Variants in AKT2 observed in about 807,000 individuals in gnomAD.
AKT2 encodes the protein AKT serine/threonine kinase 2.
AKT2 carries 16 observed loss-of-function variants against 58.6 expected under a neutral mutation model. That is an observed-to-expected ratio of 0.27 (90% CI 0.18 to 0.41). The LOEUF is 0.41. AKT2 is among the 10% of genes least tolerant of loss of function. AKT2 has a pLI of 1.00. For missense variants in AKT2, 438 were observed against 661.0 expected (o/e 0.66, Z 3.70); for synonymous variants, 253 against 254.0 (o/e 1.00, Z 0.04).
chr19:40,254,829 T>C (rs1187033084), intron 4 of AKT2, among the ~76,000 whole-genome samples: 2 of 148,754 alleles, frequency 1.3e-5, no homozygotes, highest in Non-Finnish European at 3.0e-5. Context: ...AGAGCGAAAC[T>C]CCATTTCAGA....
chr19:40,255,347 C>T (rs755655212), intron 3 of AKT2, 78 bp from the exon 4 acceptor site: 13 of 1,145,310 alleles, frequency 1.1e-5, no homozygotes, highest in Non-Finnish European at 1.7e-5. Context: ...CCCGAGCCAC[C>T]TCCCACAGGC....
At chr19:40,275,905 C>T (rs1279213769) in intron 1 of AKT2, among the ~76,000 whole-genome samples, 2 of 150,122 alleles carry the variant, frequency 1.3e-5, no homozygotes, top group Non-Finnish European at 3.0e-5. Context: ...CCCAGCTACT[C>T]GGGAGGCTGA....
chr19:40,246,246 G>A (rs1262665933), intron 4 of AKT2, among the ~76,000 whole-genome samples: 2 of 152,038 alleles, frequency 1.3e-5, no homozygotes, highest in Non-Finnish European at 2.9e-5. Context: ...CGATTCTCCT[G>A]CCTCAGCCTC....
intron 1 of AKT2, chr19:40,282,227 G>A (rs1377773767): frequency 9.5e-6 from 3 of 314,708 alleles, no homozygotes; most frequent in Non-Finnish European, 1.9e-5. Context: ...ACAGTACCAG[G>A]CACCATTCTA....
chr19:40,232,820 C>T lies in AKT2; in HGVS notation c.*1052G>A. On this transcript the variant is annotated 3_prime_UTR_variant, in exon 14 of 14. Coordinates refer to ENST00000392038, the MANE Select transcript of AKT2 (RefSeq NM_001626.6). ...CACAGCACTGACATGGACGTGCACT[C>T]ATGTTCAACCTTAAGGCTGCAGAAC... 4.2e-6 allele frequency: 1 copy of T among 235,576 alleles called. No individual in the cohort carries two copies. The highest frequency in any genetic ancestry group is 8.4e-6 in the Non-Finnish European group (1 of 119,354). The allele number at this position is 235,576 out of a possible 1,614,324, so 14.6% of individuals were successfully genotyped here.
At chr19:40,268,419 G>C (rs1032318341) in intron 1 of AKT2, among the ~76,000 whole-genome samples, 5 of 152,230 alleles carry the variant, frequency 3.3e-5, no homozygotes, top group African/African-American at 1.2e-4. Context: ...GTATGGCCAA[G>C]AGTGGTCTGG....
rs140220602 is a variant in AKT2 at position 40,267,049 on chromosome 19, C to T, written c.-84-1698G>A. Among the ~76,000 whole-genome samples, 1,259 of 152,222 alleles carry T rather than the reference C, an allele frequency of 8.3e-3. 17 individuals are homozygous for T. Among genetic ancestry groups the T allele is most frequent in the Admixed American group, 0.023 (352 of 15,292 alleles). On this transcript the variant is annotated intron_variant, in intron 1 of 13. Coordinates refer to ENST00000392038, the MANE Select transcript of AKT2 (RefSeq NM_001626.6). ...CGTGACCATCTCTCCCCATCCTGCC[C>T]GCGGCCTGGCTCTAGTCAGGTCTGC...
intron 4 of AKT2, chr19:40,244,182 C>T (rs2145218271): frequency 6.6e-6 from 1 of 151,914 alleles, no homozygotes; most frequent in African/African-American, 2.4e-5. Context: ...GTGGCTCACA[C>T]CTGCAATCCT....
Position 40,238,853 on chromosome 19 carries a change from C to T in AKT2, c.708+52G>A, listed in dbSNP as rs753948877. 4.9e-5 allele frequency: 78 copies of T among 1,579,760 alleles called. No individual in the cohort carries two copies. The highest frequency in any genetic ancestry group is 6.6e-5 in the Non-Finnish European group (76 of 1,149,086). ...CCCACAGCTCCTCTCCATCCCGCCC[C>T]ACCCTAAAGAAGGAGGCCCCAGAGG... On this transcript the variant is annotated intron_variant, in intron 8 of 13. Coordinates refer to ENST00000392038, the MANE Select transcript of AKT2 (RefSeq NM_001626.6). The surrounding 1 kb of genome is among the most constrained non-coding windows in gnomAD (Gnocchi z 5.1).
chr19:40,281,320 C>T (rs1390077389), intron 1 of AKT2, among the ~76,000 whole-genome samples: 21 of 152,070 alleles, frequency 1.4e-4, no homozygotes, highest in Non-Finnish European at 2.9e-5. Context: ...GCGAGACTCC[C>T]GTTTCCACAA....
At position 40,238,233 on chromosome 19, in the gene AKT2, A is replaced by G; in HGVS notation, c.709-142T>C. 2 of 1,176,820 alleles carry G rather than the reference A, an allele frequency of 1.7e-6. No individual in the cohort carries two copies. Among genetic ancestry groups the G allele is most frequent in the South Asian group, 1.4e-5 (1 of 70,516 alleles). 72.9% of individuals were successfully genotyped at this position (1,176,820 alleles called of 1,614,324 possible). Reference sequence around the variant, plus strand: ...AAGTGACAGCTAGAGGGACCAATCAAGGCAGAGCGCAGAAGCTCATAAGTG... The same window carrying G: ...AAGTGACAGCTAGAGGGACCAATCAGGGCAGAGCGCAGAAGCTCATAAGTG... On this transcript the variant is annotated intron_variant, in intron 8 of 13. Coordinates refer to ENST00000392038, the MANE Select transcript of AKT2 (RefSeq NM_001626.6). This position sits in a 1 kb window ranked among gnomAD's most constrained non-coding sequence, Gnocchi z 5.1.
rs1049077634 is a variant in AKT2, at chr19:40,275,749, A to T, written c.-85+9432T>A. On this transcript the variant is annotated intron_variant, in intron 1 of 13. Transcript: ENST00000392038. ...CACGATGACTCACGCCTGTAATCCC[A>T]GCACTTTGGGAGGCTGGGGGGGGGG... Among the ~76,000 whole-genome samples, 32 of 48,512 alleles carry T rather than the reference A, an allele frequency of 6.6e-4. 1 individual carries two copies. The highest frequency in any genetic ancestry group is 4.1e-5 in the Non-Finnish European group (1 of 24,434). The allele number at this position is 48,512 out of a possible 152,430, so 31.8% of individuals were successfully genotyped here. A position where few individuals can be genotyped will look rare whatever the true frequency, so the allele number is the denominator to read the frequency against.
intron 1 of AKT2, chr19:40,266,180 C>A (rs1043222296): frequency 1.3e-5 from 2 of 152,340 alleles, no homozygotes; most frequent in Non-Finnish European, 2.9e-5. Flanking sequence ...GAGGAGGGCG[C>A]GAGGCAGCGC....
intron 7 of AKT2, chr19:40,239,714 CA>C (rs1224831200): frequency 1.4e-4 from 67 of 475,048 alleles, no homozygotes; most frequent in Middle Eastern, 9.3e-4. Context: ...AAAACAAAAA[CA>C]AAAAAAATAA....
chr19:40,257,796 G>A (rs1312878287), intron 2 of AKT2, among the ~76,000 whole-genome samples: 2 of 152,104 alleles, frequency 1.3e-5, no homozygotes, highest in East Asian at 1.9e-4. Flanking sequence ...TTCATACAAC[G>A]GAAAACTATT....
chr19:40,275,155 G>A (rs1373401654), intron 1 of AKT2: 14 of 456,696 alleles, frequency 3.1e-5, no homozygotes, highest in Admixed American at 4.7e-5. Flanking sequence ...CCTCTCCTCC[G>A]AGCCCTGAGC....
intron 2 of AKT2, among the ~76,000 whole-genome samples, chr19:40,258,519 A>G (rs559478397): frequency 1.2e-4 from 18 of 152,224 alleles, no homozygotes; most frequent in Admixed American, 5.9e-4. Flanking sequence ...TTTTTTAATT[A>G]GCCAGGAGTC....
chr19:40,239,887 T>C lies in AKT2; in HGVS notation c.639+158A>G, dbSNP rs1164714323. On this transcript the variant is annotated intron_variant, in intron 7 of 13. Coordinates refer to ENST00000392038, the MANE Select transcript of AKT2 (RefSeq NM_001626.6). ...CCCGAGCCTGCTCACCCCCACCACATGTCTTGGTTCGGATGACTTGGCAGG... is the reference window on the plus strand; with the variant it reads ...CCCGAGCCTGCTCACCCCCACCACACGTCTTGGTTCGGATGACTTGGCAGG... 18 of 872,100 alleles carry C rather than the reference T, an allele frequency of 2.1e-5. No homozygotes were observed. The East Asian group carries it at 3.2e-4, about 16-fold the overall frequency. 54.0% of individuals were successfully genotyped at this position (872,100 alleles called of 1,614,324 possible).
In AKT2 at chr19:40,242,563, C is replaced by T. The variant is rs776555398; in HGVS notation, c.412G>A (p.Val138Met). 1 of 1,613,960 alleles carries T rather than the reference C, an allele frequency of 6.2e-7. No homozygotes were observed. The highest frequency in any genetic ancestry group is 8.5e-7 in the Non-Finnish European group (1 of 1,180,024). Residue 138 changes from valine (V) to methionine (M), a missense_variant, in exon 5 of 14, where the codon GTG (valine) becomes ATG (methionine). Val to Met is a conservative substitution (Grantham distance 21, BLOSUM62 1). Coordinates refer to ENST00000392038, the MANE Select transcript of AKT2 (RefSeq NM_001626.6). The surrounding 1 kb of genome is among the most constrained non-coding windows in gnomAD (Gnocchi z 4.3). ...SDSSTTEEME[V>M]AVSKARAKVT... Reference sequence around the variant, plus strand: ...TTAGCCCGTGCCTTGCTGACCGCCACTTCCATCTCCTCAGTCGTGGAGGAG... The same window carrying T: ...TTAGCCCGTGCCTTGCTGACCGCCATTTCCATCTCCTCAGTCGTGGAGGAG...
Sources: gnomAD v4.1 joint callset for allele counts (sites outside exome capture counted in the v4.1 genomes callset) on GRCh38, gnomAD v4.1.1 for gene constraint, Gnocchi (gnomAD v3.1) non-coding constraint, MANE v1.5 for transcripts, NCBI Gene and HGNC (gene_info 2026-07-23, HGNC 2026-07-21) for gene names.